FGF13: variants seen among roughly 807,000 people sequenced by gnomAD.
FGF13 encodes fibroblast growth factor 13, also known as fibroblast growth factor homologous factor 2.
In FGF13, 2 loss-of-function variants were observed where a neutral mutation model predicts 19.5. The ratio of observed to expected loss-of-function variants is 0.10; its 90% confidence interval spans 0.04 to 0.32. The LOEUF (loss-of-function observed/expected upper bound fraction) is 0.32. Ranked by LOEUF, FGF13 falls within the 10% of genes least tolerant of loss-of-function variation. The pLI is 1.00. For missense variants in FGF13, 113 were observed against 192.7 expected, an observed-to-expected ratio of 0.59 and a Z score of 2.45; for synonymous variants, 72 against 76.9, an observed-to-expected ratio of 0.94 and a Z score of 0.33.
At chrX:138,938,820 A>G (rs1157798236) in intron 1 of FGF13, among the ~76,000 whole-genome samples, 2 of 111,972 alleles carry the variant, frequency 1.8e-5, no homozygotes, top group East Asian at 5.6e-4. Flanking sequence ...TGTACTTCCA[A>G]GAAACTGTCT....
intron 3 of FGF13, among the ~76,000 whole-genome samples, chrX:138,826,231 T>G (rs1949177414): frequency 8.9e-6 from 1 of 111,935 alleles, no homozygotes. Context: ...ACTCTAGTTT[T>G]AGGATGCCTT....
chrX:138,808,182 T>G (rs1295344698), intron 3 of FGF13, among the ~76,000 whole-genome samples: 1 of 111,763 alleles, frequency 8.9e-6, no homozygotes, highest in Admixed American at 9.5e-5. Flanking sequence ...ATTGACCACA[T>G]AGTTGGAAGT....
At position 138,625,461 on chromosome X, in the gene FGF13, TATATATATACATATATATATATAA is replaced by T. The variant is rs2089049650; in HGVS notation, c.*7365_*7388del. ...ACAGATGAATGAAGAAAGAAAATTATATATATATACATATATATATATAATATATATATATACATATATATATAT... is the reference window on the plus strand; with the variant it reads ...ACAGATGAATGAAGAAAGAAAATTATTATATATATATACATATATATATAT... On this transcript the variant is annotated 3_prime_UTR_variant, in exon 5 of 5. Transcript: ENST00000315930. 1.0e-5 allele frequency: 1 copy of T among 96,300 alleles called. No homozygotes were observed. Among genetic ancestry groups the T allele is most frequent in the African/African-American group, 3.9e-5 (1 of 25,827 alleles). The allele number at this position is 96,300 out of a possible 1,213,427, so 7.9% of individuals were successfully genotyped here.
intron 1 of FGF13, among the ~76,000 whole-genome samples, chrX:139,175,284 A>G (rs761664059): frequency 4.5e-5 from 5 of 112,260 alleles, no homozygotes; most frequent in Non-Finnish European, 7.5e-5. Context: ...TATCAGCTTA[A>G]GGAGATTTGG....
chrX:139,185,788 C>G (rs1457366393), intron 1 of FGF13, among the ~76,000 whole-genome samples: 1 of 111,942 alleles, frequency 8.9e-6, no homozygotes, highest in Admixed American at 9.5e-5. Context: ...CACCCCAAAA[C>G]TAAAGTCAGG....
At chrX:139,036,448 G>T (rs151292777) in intron 1 of FGF13, among the ~76,000 whole-genome samples, 1,153 of 111,381 alleles carry the variant, frequency 0.01, 13 homozygotes, top group African/African-American at 0.036. Context: ...TTTAGCCCCA[G>T]AATTGTTTTT....
chrX:138,839,459 T>C (rs1394095628), intron 3 of FGF13, among the ~76,000 whole-genome samples: 1 of 111,751 alleles, frequency 8.9e-6, no homozygotes, highest in Non-Finnish European at 1.9e-5. Context: ...GGCGAGGTTA[T>C]GGTTTGTGCA....
At chrX:139,114,900 A>G (rs2083628223) in intron 1 of FGF13, among the ~76,000 whole-genome samples, 1 of 112,200 alleles carries the variant, frequency 8.9e-6, no homozygotes, top group African/African-American at 3.2e-5. Flanking sequence ...TTCTGGAAGA[A>G]AGAAGAAACT....
rs191390598 is a variant in FGF13, at chrX:138,839,587, A to G, written c.217+17925T>C. ...AAAATGTCAGATATGAAAATCTTTA[A>G]TAAATCAGGTCTTCTATTTATGAAC... On this transcript the variant is annotated intron_variant, in intron 3 of 6. Transcript: ENST00000436198. Among the ~76,000 whole-genome samples, 298 of 112,070 alleles carry G rather than the reference A, an allele frequency of 2.7e-3. 2 individuals carry two copies. Among genetic ancestry groups the G allele is most frequent in the Non-Finnish European group, 4.4e-3 (233 of 53,269 alleles).
At chrX:138,811,812 C>T (rs1444040002) in intron 3 of FGF13, among the ~76,000 whole-genome samples, 2 of 110,449 alleles carry the variant, frequency 1.8e-5, no homozygotes, top group Non-Finnish European at 3.8e-5. Flanking sequence ...ATGACACCAC[C>T]ATCCACCAGG....
At chrX:138,832,892 A>T (rs967831381) in intron 3 of FGF13, among the ~76,000 whole-genome samples, 1 of 111,955 alleles carries the variant, frequency 8.9e-6, no homozygotes, top group Non-Finnish European at 1.9e-5. Context: ...CTAGTCATTT[A>T]TCCCGGCACA....
At chrX:139,063,657 A>G (rs1026437103) in intron 1 of FGF13, among the ~76,000 whole-genome samples, 2 of 111,802 alleles carry the variant, frequency 1.8e-5, no homozygotes, top group African/African-American at 6.5e-5. Flanking sequence ...TTTCTCCTAT[A>G]ATCTAGTTTA....
intron 3 of FGF13, among the ~76,000 whole-genome samples, chrX:138,836,246 A>C (rs2091111959): frequency 8.9e-6 from 1 of 111,939 alleles, no homozygotes; most frequent in Admixed American, 9.4e-5. Context: ...GCTAGGCTGG[A>C]GAAGTTCTCA....
At chrX:138,794,734 G>C (rs1280902584) in intron 3 of FGF13, among the ~76,000 whole-genome samples, 3 of 111,793 alleles carry the variant, frequency 2.7e-5, no homozygotes, top group Non-Finnish European at 5.6e-5. Context: ...CTAGGGAAAG[G>C]AGAGGTCAGG....
chrX:138,982,026 G>A (rs2091965892), intron 1 of FGF13, among the ~76,000 whole-genome samples: 2 of 111,751 alleles, frequency 1.8e-5, no homozygotes, highest in Admixed American at 9.6e-5. Flanking sequence ...CGAGCATGAG[G>A]ATAGAAGTAT....
At chrX:138,958,641 C>T (rs2091853394) in intron 1 of FGF13, among the ~76,000 whole-genome samples, 1 of 111,600 alleles carries the variant, frequency 9.0e-6, no homozygotes, top group Admixed American at 9.5e-5. Context: ...GCTGTGAATC[C>T]GTCTGGTCCT....
chrX:138,704,617 A>C (rs1289078853), intron 2 of FGF13, among the ~76,000 whole-genome samples: 1 of 112,129 alleles, frequency 8.9e-6, no homozygotes, highest in Non-Finnish European at 1.9e-5. Context: ...AGAAATACTA[A>C]TGAAGACCTA....
intron 3 of FGF13, among the ~76,000 whole-genome samples, chrX:138,804,192 A>C (rs2090849598): frequency 8.9e-6 from 1 of 111,996 alleles, no homozygotes; most frequent in Non-Finnish European, 1.9e-5. Context: ...TTAGCTCCCT[A>C]ACAAGGAAAA....
At chrX:139,075,553 G>T (rs2083326799) in intron 1 of FGF13, among the ~76,000 whole-genome samples, 1 of 111,783 alleles carries the variant, frequency 8.9e-6, no homozygotes, top group African/African-American at 3.2e-5. Context: ...CCACACCTCA[G>T]AGTCAACATT....
Sources: allele counts gnomAD v4.1 joint callset (sites outside exome capture counted in the v4.1 genomes callset), GRCh38; gene constraint gnomAD v4.1.1; transcripts MANE v1.5; gene names NCBI Gene and HGNC (gene_info 2026-07-23, HGNC 2026-07-21).